ZNF892: variants seen among roughly 807,000 people sequenced by gnomAD.
ZNF892 encodes zinc finger protein 892.
chr2:95,207,689 C>A, the ZNF892 span: 1 of 397,036 alleles, frequency 2.5e-6, no homozygotes, highest in Non-Finnish European at 4.4e-6. Flanking sequence ...GGCGGGAGGA[C>A]CCCCGGGTGG....
At chr2:95,226,741 C>G in the ZNF892 span, among the ~76,000 whole-genome samples, 1 of 152,196 alleles carries the variant, frequency 6.6e-6, no homozygotes, top group Non-Finnish European at 1.5e-5. Flanking sequence ...ATTCCCAACT[C>G]TCATCACCAA....
the ZNF892 span, among the ~76,000 whole-genome samples, chr2:95,208,109 A>G: frequency 6.6e-6 from 1 of 152,208 alleles, no homozygotes; most frequent in Admixed American, 6.5e-5. Context: ...GAGGAGCCCC[A>G]TAAGGCAGTA....
the ZNF892 span, among the ~76,000 whole-genome samples, chr2:95,249,138 T>C: frequency 6.7e-6 from 1 of 149,992 alleles, no homozygotes; most frequent in Admixed American, 6.7e-5. Flanking sequence ...GAACACAGGG[T>C]TTTTACCCTT....
the ZNF892 span, among the ~76,000 whole-genome samples, chr2:95,216,968 A>G: frequency 1.1e-4 from 16 of 152,200 alleles, no homozygotes; most frequent in Non-Finnish European, 2.4e-4. Flanking sequence ...ATCTGCCATA[A>G]CAAGATAGCA....
the ZNF892 span, among the ~76,000 whole-genome samples, chr2:95,243,307 GC>G: frequency 6.6e-6 from 1 of 151,876 alleles, no homozygotes; most frequent in Non-Finnish European, 1.5e-5. Context: ...CTGCCTGGCT[GC>G]CCATCGTCTG....
At chr2:95,262,049 T>A in the ZNF892 span, among the ~76,000 whole-genome samples, 1 of 152,240 alleles carries the variant, frequency 6.6e-6, no homozygotes, top group African/African-American at 2.4e-5. Flanking sequence ...GCTTGACAAG[T>A]ACAGGATCCT....
chr2:95,213,298 A>G, the ZNF892 span, among the ~76,000 whole-genome samples: 2 of 152,132 alleles, frequency 1.3e-5, no homozygotes, highest in Non-Finnish European at 2.9e-5. Context: ...CTTTTAACCT[A>G]TTCTACCTAT....
At chr2:95,218,782 T>A in the ZNF892 span, among the ~76,000 whole-genome samples, 1 of 152,200 alleles carries the variant, frequency 6.6e-6, no homozygotes, top group East Asian at 1.9e-4. Context: ...TGTAGATGGT[T>A]GCCCTCTCAC....
chr2:95,212,943 A>G, the ZNF892 span, among the ~76,000 whole-genome samples: 1 of 152,224 alleles, frequency 6.6e-6, no homozygotes, highest in African/African-American at 2.4e-5. Flanking sequence ...AGTCCTAGTA[A>G]CTTTTTTGAA....
At chr2:95,248,976 C>T in the ZNF892 span, among the ~76,000 whole-genome samples, 1 of 151,784 alleles carries the variant, frequency 6.6e-6, no homozygotes, top group Admixed American at 6.6e-5. Flanking sequence ...AATTGGGGGT[C>T]TCACTACATA....
At chr2:95,258,248 C>G in the ZNF892 span, among the ~76,000 whole-genome samples, 1 of 152,200 alleles carries the variant, frequency 6.6e-6, no homozygotes, top group Non-Finnish European at 1.5e-5. Flanking sequence ...GGGTGCTGCT[C>G]ACTCTTGTCA....
the ZNF892 span, among the ~76,000 whole-genome samples, chr2:95,258,708 G>A: frequency 7.2e-5 from 11 of 152,052 alleles, no homozygotes; most frequent in African/African-American, 9.7e-5. Context: ...GCCTGACTCC[G>A]TAAGAATTCC....
the ZNF892 span, among the ~76,000 whole-genome samples, chr2:95,230,944 T>C: frequency 6.6e-6 from 1 of 152,196 alleles, no homozygotes; most frequent in Admixed American, 6.5e-5. Context: ...TTATGTACAA[T>C]TGGACCCCTT....
At chr2:95,250,766 TATC>T in the ZNF892 span, among the ~76,000 whole-genome samples, 3 of 145,168 alleles carry the variant, frequency 2.1e-5, no homozygotes, top group African/African-American at 4.9e-5. Context: ...ATTATAAATT[TATC>T]ATAAATTATA....
chr2:95,220,808 T>G, the ZNF892 span, among the ~76,000 whole-genome samples: 1 of 152,310 alleles, frequency 6.6e-6, no homozygotes, highest in African/African-American at 2.4e-5. Flanking sequence ...CACCAGTATT[T>G]AATTGTAGGT....
the ZNF892 span, among the ~76,000 whole-genome samples, chr2:95,215,953 A>G: frequency 3.3e-5 from 5 of 152,210 alleles, no homozygotes; most frequent in Admixed American, 1.3e-4. Context: ...AGTTTTAAAG[A>G]GATAAGTTAT....
At chr2:95,207,574 CT>C in the ZNF892 span, 1 of 381,376 alleles carries the variant, frequency 2.6e-6, no homozygotes, top group Non-Finnish European at 4.6e-6. Flanking sequence ...TGTTAGATGC[CT>C]TTGTCGTCGG....
chr2:95,246,960 C>T, the ZNF892 span, among the ~76,000 whole-genome samples: 1 of 152,122 alleles, frequency 6.6e-6, no homozygotes, highest in Non-Finnish European at 1.5e-5. Context: ...GAATGGCATT[C>T]CCATTAAACT....
the ZNF892 span, among the ~76,000 whole-genome samples, chr2:95,209,234 A>G: frequency 2.6e-5 from 4 of 152,106 alleles, no homozygotes; most frequent in African/African-American, 9.7e-5. Context: ...GAATATTACA[A>G]GACAGAATAG....
Sources: gnomAD v4.1 joint callset for allele counts (sites outside exome capture counted in the v4.1 genomes callset) on GRCh38, gnomAD v4.1.1 for gene constraint, MANE v1.5 for transcripts, NCBI Gene and HGNC (gene_info 2026-07-23, HGNC 2026-07-21) for gene names.